The following OSBPL2 variants were observed in gnomAD, a reference collection of about 807,000 sequenced individuals.
OSBPL2 encodes the protein oxysterol-binding protein-related protein 2.
Under a neutral mutation model 58.4 loss-of-function variants are expected in OSBPL2, and 18 were observed. The observed-to-expected ratio is 0.31, with a 90% confidence interval of 0.21 to 0.46. The LOEUF (loss-of-function observed/expected upper bound fraction) is 0.46. OSBPL2 is among the 20% of genes least tolerant of loss of function. The pLI, the probability that OSBPL2 is intolerant of heterozygous loss-of-function variation, is 1.00. For missense variants in OSBPL2, 461 were observed against 616.5 expected (o/e 0.75, Z 2.67); for synonymous variants, 221 against 234.1 (o/e 0.94, Z 0.51).
intron 6 of OSBPL2, among the ~76,000 whole-genome samples, chr20:62,278,006 G>A (rs958373200): frequency 2.0e-5 from 3 of 152,146 alleles, no homozygotes; most frequent in African/African-American, 4.8e-5. Context: ...GGAGTCCCTC[G>A]GGGTTGAGGG....
chr20:62,251,201 G>A (rs1158582418), intron 1 of OSBPL2, among the ~76,000 whole-genome samples: 1 of 151,274 alleles, frequency 6.6e-6, no homozygotes, highest in Non-Finnish European at 1.5e-5. Context: ...CTGCCACTGC[G>A]CCGGCCACCA....
At chr20:62,241,617 G>A (rs1354705926) in intron 1 of OSBPL2, among the ~76,000 whole-genome samples, 1 of 152,242 alleles carries the variant, frequency 6.6e-6, no homozygotes, top group South Asian at 2.1e-4. Flanking sequence ...AAGGTGGTGC[G>A]CCAGACCAGG....
chr20:62,276,526 C>G (rs928244873), intron 6 of OSBPL2, among the ~76,000 whole-genome samples: 18 of 152,216 alleles, frequency 1.2e-4, no homozygotes, highest in South Asian at 6.2e-4. Flanking sequence ...GCTGCCCGTG[C>G]GTGAATGCCA....
intron 1 of OSBPL2, among the ~76,000 whole-genome samples, chr20:62,252,417 G>T (rs561716425): frequency 6.6e-6 from 1 of 152,118 alleles, no homozygotes; most frequent in East Asian, 1.9e-4. Context: ...CCCCACGTTC[G>T]CAGGTAGTCG....
intron 1 of OSBPL2, among the ~76,000 whole-genome samples, chr20:62,246,726 C>T (rs543443393): frequency 4.6e-5 from 7 of 152,318 alleles, no homozygotes; most frequent in Admixed American, 3.3e-4. Flanking sequence ...TGCCCCTCCC[C>T]CTCAGTGCCA....
intron 5 of OSBPL2, 98 bp downstream of exon 5, chr20:62,272,357 T>A: frequency 7.6e-7 from 1 of 1,308,944 alleles, no homozygotes; most frequent in Non-Finnish European, 1.1e-6. Context: ...CTGTGAGGAC[T>A]CGCACAGCTC....
Position 62,272,262 on chromosome 20 carries a change from G to A in OSBPL2, c.393+3G>A. 6.2e-7 allele frequency: 1 copy of A among 1,612,596 alleles called. No homozygotes were observed. On this transcript the variant is annotated splice_donor_region_variant and intron_variant, in intron 5 of 13. Transcript: ENST00000313733. ...CCCAGCCCCTGGAGAGGATGCAGGTGGGCCTTAGGGGTGCCAGGCAGGAGT... is the reference window on the plus strand; with the variant it reads ...CCCAGCCCCTGGAGAGGATGCAGGTAGGCCTTAGGGGTGCCAGGCAGGAGT...
chr20:62,276,591 C>G (rs1156313733), intron 6 of OSBPL2, among the ~76,000 whole-genome samples: 1 of 152,214 alleles, frequency 6.6e-6, no homozygotes, highest in Non-Finnish European at 1.5e-5. Context: ...AGCCGAGCAC[C>G]TGTTCTCAAG....
chr20:62,268,016 G>A (rs2145945257), intron 4 of OSBPL2, among the ~76,000 whole-genome samples: 1 of 151,646 alleles, frequency 6.6e-6, no homozygotes, highest in East Asian at 1.9e-4. Flanking sequence ...CTGAGTAGCT[G>A]GGACTACAGG....
chr20:62,266,903 C>T (rs938700249), intron 4 of OSBPL2, among the ~76,000 whole-genome samples: 4 of 152,300 alleles, frequency 2.6e-5, no homozygotes, highest in Admixed American at 1.3e-4. Flanking sequence ...TGTGTCTGGA[C>T]CTTGTTTGTG....
At chr20:62,241,581 C>A (rs1056008173) in intron 1 of OSBPL2, among the ~76,000 whole-genome samples, 6 of 152,274 alleles carry the variant, frequency 3.9e-5, no homozygotes, top group African/African-American at 1.4e-4. Context: ...TGGCGCCGTG[C>A]CTTCCTGAGT....
rs1221388705 is a variant in OSBPL2 at position 62,286,667 on chromosome 20, A to G, written c.1081A>G (p.Lys361Glu). ...QETVQVIPGS[K>E]LLWRINTRPP... is the part of the protein sequence containing the mutation. ...GACCGTGCAGGTCATTCCTGGCAGC[A>G]AGCTGCTCTGGAGGATCAACACCCG... Residue 361 changes from lysine to glutamate, a missense_variant, in exon 11 of 14, where the codon AAG (lysine) becomes GAG (glutamate). Physicochemically the swap from Lys to Glu is moderately conservative, Grantham distance 56. Coordinates refer to ENST00000313733, the MANE Select transcript of OSBPL2 (RefSeq NM_144498.4). The G allele has an allele frequency of 6.2e-7, 1 of 1,613,716 alleles. No homozygotes were observed. Among genetic ancestry groups the G allele is most frequent in the Non-Finnish European group, 8.5e-7 (1 of 1,179,894 alleles).
intron 1 of OSBPL2, among the ~76,000 whole-genome samples, chr20:62,252,238 A>G (rs998457712): frequency 6.6e-6 from 1 of 152,004 alleles, no homozygotes; most frequent in Admixed American, 6.6e-5. Flanking sequence ...CATATAATCA[A>G]TTGCACACAT....
In OSBPL2 at chr20:62,293,992, C is replaced by CT; in HGVS notation, c.*106dup. ...CAGCAGAAACCAACTTTTCTAACGA[C>CT]TGAGTTCGCGGAGATAGCATCATCC... is the stretch of plus-strand genomic sequence containing the variant. On this transcript the variant is annotated 3_prime_UTR_variant, in exon 14 of 14. Coordinates refer to ENST00000313733, the MANE Select transcript of OSBPL2 (RefSeq NM_144498.4). 6.9e-7 allele frequency: 1 copy of CT among 1,452,808 alleles called. No individual in the cohort carries two copies. The highest frequency in any genetic ancestry group is 9.2e-7 in the Non-Finnish European group (1 of 1,092,606). The allele number at this position is 1,452,808 out of a possible 1,614,324, so 90.0% of individuals were successfully genotyped here.
intron 2 of OSBPL2, among the ~76,000 whole-genome samples, chr20:62,257,223 G>T (rs1213017703): frequency 6.6e-6 from 1 of 152,170 alleles, no homozygotes; most frequent in African/African-American, 2.4e-5. Flanking sequence ...GAGGGTCTCT[G>T]TGGCCACACC....
rs185489703 is a variant in OSBPL2 at position 62,271,401 on chromosome 20, G to A, written c.259-724G>A. ...TGTCCGAGGCATCCTGGAGGGACGG[G>A]AAGCCAGGGACTATTTTTAACGGCG... On this transcript the variant is annotated intron_variant, in intron 4 of 13. Coordinates refer to ENST00000313733, the MANE Select transcript of OSBPL2 (RefSeq NM_144498.4). Among the ~76,000 whole-genome samples, 549 of 152,336 alleles carry A rather than the reference G, an allele frequency of 3.6e-3. 3 individuals are homozygous for A. The highest frequency in any genetic ancestry group is 6.6e-3 in the Non-Finnish European group (446 of 68,024).
At chr20:62,280,971 C>G in intron 7 of OSBPL2, 87 bp from the exon 8 acceptor site, 1 of 1,057,600 alleles carries the variant, frequency 9.5e-7, no homozygotes, top group Non-Finnish European at 1.5e-6. Flanking sequence ...TTGCTGTGAC[C>G]CAGCCCCGCC....
At chr20:62,280,341 T>C (rs1043637309) in intron 7 of OSBPL2, 5 of 318,604 alleles carry the variant, frequency 1.6e-5, no homozygotes, top group African/African-American at 8.7e-5. Context: ...GAGTGCCTGT[T>C]GTGCAGTGGC....
chr20:62,291,533 G>A (rs1568855458), intron 12 of OSBPL2, 170 bp from the exon 13 acceptor site: 12 of 673,580 alleles, frequency 1.8e-5, no homozygotes, highest in East Asian at 2.8e-5. Context: ...CGTGCCGGCC[G>A]CTGTGGCCTC....
Sources: gnomAD v4.1 joint callset for allele counts (sites outside exome capture counted in the v4.1 genomes callset) on GRCh38, gnomAD v4.1.1 for gene constraint, MANE v1.5 for transcripts, NCBI Gene and HGNC (gene_info 2026-07-23, HGNC 2026-07-21) for gene names.